SLC19A3: variants seen among roughly 807,000 people sequenced by gnomAD.
The protein encoded by SLC19A3 is thiamine transporter 2.
In SLC19A3, 31 loss-of-function variants were observed where a neutral mutation model predicts 40.2. That is an observed-to-expected ratio of 0.77 (90% CI 0.58 to 1.04). The LOEUF (loss-of-function observed/expected upper bound fraction) is 1.04. SLC19A3 is among the 50% of genes least tolerant of loss of function. The pLI, the probability that SLC19A3 is intolerant of heterozygous loss-of-function variation, is 0.00. For synonymous variants in SLC19A3, 212 were observed against 227.5 expected (o/e 0.93, Z 0.61); for missense variants, 592 against 596.7 (o/e 0.99, Z 0.08).
rs1300626147 is a variant in SLC19A3, at chr2:227,703,932, T to C, written c.-2-1612A>G. Reference sequence around the variant, plus strand: ...TGGATTATCTATCTTTTTATTTCTTTAGGTTTCTAATACAGCTGTCCAAAT... The same window carrying C: ...TGGATTATCTATCTTTTTATTTCTTCAGGTTTCTAATACAGCTGTCCAAAT... On this transcript the variant is annotated intron_variant, in intron 1 of 5. Coordinates refer to ENST00000644224, the MANE Select transcript of SLC19A3 (RefSeq NM_025243.4). The surrounding 1 kb of genome is among the most constrained non-coding windows in gnomAD (Gnocchi z 4.7). Among the ~76,000 whole-genome samples, 3 of 151,962 alleles carry C rather than the reference T, an allele frequency of 2.0e-5. No homozygotes were observed. The highest frequency in any genetic ancestry group is 2.0e-4 in the Admixed American group (3 of 15,202).
chr2:227,706,928 C>T (rs1047930539), intron 1 of SLC19A3, among the ~76,000 whole-genome samples: 4 of 152,206 alleles, frequency 2.6e-5, no homozygotes, highest in Non-Finnish European at 5.9e-5. Context: ...CACAACAGAC[C>T]TTACCTTGGT....
At chr2:227,716,525 C>T (rs528256778) in intron 1 of SLC19A3, among the ~76,000 whole-genome samples, 100 of 152,274 alleles carry the variant, frequency 6.6e-4, no homozygotes, top group African/African-American at 2.4e-3. Flanking sequence ...TTTCCCTTCC[C>T]TGTAAGACCA....
At position 227,711,975 on chromosome 2, in the gene SLC19A3, A is replaced by G. The variant is rs916796257; in HGVS notation, c.-3+5968T>C. ...TGAGGTAGAAGAATCGCTTGAACCC[A>G]GGAGGTGGAGGTTGTAGTGAGCCGA... On this transcript the variant is annotated intron_variant, in intron 1 of 5. Transcript: ENST00000644224. Among the ~76,000 whole-genome samples the G allele has an allele frequency of 2.2e-5, 3 of 134,050 alleles. No individual in the cohort carries two copies. The East Asian group carries it at 7.1e-4, about 32-fold the overall frequency. The allele number at this position is 134,050 out of a possible 152,430, so 87.9% of individuals were successfully genotyped here. A position where few individuals can be genotyped will look rare whatever the true frequency, so the allele number is the denominator to read the frequency against.
At chr2:227,688,628 T>C (rs918351006) in intron 4 of SLC19A3, among the ~76,000 whole-genome samples, 1 of 152,148 alleles carries the variant, frequency 6.6e-6, no homozygotes, top group African/African-American at 2.4e-5. Flanking sequence ...CAAATCCTTC[T>C]GAATACCTGG....
rs1210715519 is a variant in SLC19A3, at chr2:227,684,056, C to T, written c.*3341G>A. On this transcript the variant is annotated 3_prime_UTR_variant, in exon 6 of 6. Transcript: ENST00000644224. ...TCAAGCAATCCACCTACCTCAGCCT[C>T]CCAAAGTGCCAGGATTACAGGCATG... 6.6e-6 allele frequency: 1 copy of T among 152,274 alleles called. No homozygotes were observed. The highest frequency in any genetic ancestry group is 2.4e-5 in the African/African-American group (1 of 41,460). 9.4% of individuals were successfully genotyped at this position (152,274 alleles called of 1,614,324 possible).
chr2:227,707,737 A>G (rs758277512), intron 1 of SLC19A3, among the ~76,000 whole-genome samples: 10 of 151,592 alleles, frequency 6.6e-5, no homozygotes, highest in Admixed American at 1.3e-4. Flanking sequence ...CTCAATCTCT[A>G]TTTTTTTTGA....
At chr2:227,688,652 G>A (rs76021245) in intron 4 of SLC19A3, among the ~76,000 whole-genome samples, 4,452 of 152,028 alleles carry the variant, frequency 0.029, 226 homozygotes, top group African/African-American at 0.1. Context: ...GCCTTCCCAC[G>A]GAGGACAGGT....
chr2:227,700,992 G>A, intron 2 of SLC19A3: 1 of 1,304,318 alleles, frequency 7.7e-7, no homozygotes, highest in Non-Finnish European at 1.0e-6. Context: ...CTGCTCCTTG[G>A]AGGGAAGGTC....
chr2:227,700,769 T>G, intron 2 of SLC19A3: 1 of 514,944 alleles, frequency 1.9e-6, no homozygotes, highest in South Asian at 2.0e-5. Context: ...GCTGATTTGT[T>G]TATGGCTCAA....
At chr2:227,702,472 C>A (rs578096963) in intron 1 of SLC19A3, 152 bp from the exon 2 acceptor site, 16 of 710,634 alleles carry the variant, frequency 2.3e-5, no homozygotes, top group African/African-American at 3.6e-5. Flanking sequence ...CAGCCCATTG[C>A]AACCTGTGCC....
intron 4 of SLC19A3, chr2:227,695,420 T>A (rs1695386437): frequency 5.8e-6 from 1 of 172,620 alleles, no homozygotes; most frequent in Admixed American, 5.7e-5. Context: ...CTGAGCAACA[T>A]GGTGAAACCC....
At chr2:227,702,373 T>G in intron 1 of SLC19A3, 53 bp from the exon 2 acceptor site, 1 of 1,572,078 alleles carries the variant, frequency 6.4e-7, no homozygotes, top group Non-Finnish European at 8.7e-7. Flanking sequence ...CTTTTTAGCA[T>G]CCTTGATGCG....
At position 227,695,088 on chromosome 2, in the gene SLC19A3, A is replaced by G. The variant is rs190224860; in HGVS notation, c.1172+801T>C. Reference sequence around the variant, plus strand: ...AAGAAAAGAAAAACTGCTTGGTTCCATACACGACTGCAGCTAAAGGTTTCT... The same window carrying G: ...AAGAAAAGAAAAACTGCTTGGTTCCGTACACGACTGCAGCTAAAGGTTTCT... On this transcript the variant is annotated intron_variant, in intron 4 of 5. Transcript: ENST00000644224. Among the ~76,000 whole-genome samples, 102 of 152,298 alleles carry G rather than the reference A, an allele frequency of 6.7e-4. 1 individual carries two copies. The Middle Eastern group carries it at 0.017, about 25-fold the overall frequency.
rs771047329 is a variant in SLC19A3, at chr2:227,687,481, A to C, written c.1407T>G (p.Asp469Glu). The change falls in exon 6 of 6, where the codon GAT becomes GAG. Residue 469 changes from aspartate (D) to glutamate (E), a missense_variant. Asp to Glu is a conservative substitution (Grantham distance 45, BLOSUM62 2). Transcript: ENST00000644224. ...TCTCACTTGGAGCAGGGCTCTGTAC[A>C]TCCTTCTGGGATTTGGTTGAGTAGG... ...YITYSTKSQK[D>E]VQSPAPSENP... is the part of the protein sequence containing the mutation. 1.2e-6 allele frequency: 2 copies of C among 1,614,022 alleles called. No homozygotes were observed. Among genetic ancestry groups the C allele is most frequent in the South Asian group, 1.1e-5 (1 of 91,086 alleles).
chr2:227,701,434 C>T (rs1695683810), intron 2 of SLC19A3, among the ~76,000 whole-genome samples: 1 of 151,990 alleles, frequency 6.6e-6, no homozygotes, highest in African/African-American at 2.4e-5. Flanking sequence ...CCAGCCTGGC[C>T]AACATGGGGA....
At position 227,689,988 on chromosome 2, in the gene SLC19A3, A is replaced by C. The variant is rs978343469; in HGVS notation, c.1173-1681T>G. On this transcript the variant is annotated intron_variant, in intron 4 of 5. Coordinates refer to ENST00000644224, the MANE Select transcript of SLC19A3 (RefSeq NM_025243.4). ...TATTGCAAGCCTCATGGTAATCTCA[A>C]ATTGAAAAACATGCAATGGATACCC... Among the ~76,000 whole-genome samples the C allele has an allele frequency of 1.2e-4, 18 of 152,344 alleles. 3 individuals carry two copies. Among genetic ancestry groups the C allele is most frequent in the Admixed American group, 1.0e-3 (16 of 15,298 alleles).
At chr2:227,714,445 T>C (rs1696257877) in intron 1 of SLC19A3, 10 of 985,088 alleles carry the variant, frequency 1.0e-5, no homozygotes, top group Non-Finnish European at 1.2e-5. Flanking sequence ...ATCCCTTGAG[T>C]TACCTGTTTT....
chr2:227,700,653 A>C (rs1419800668), intron 2 of SLC19A3, among the ~76,000 whole-genome samples: 1 of 152,136 alleles, frequency 6.6e-6, no homozygotes, highest in Non-Finnish European at 1.5e-5. Context: ...GAAAGAGTAA[A>C]TAACTTTGCC....
At chr2:227,694,882 C>T (rs1165536373) in intron 4 of SLC19A3, among the ~76,000 whole-genome samples, 1 of 151,916 alleles carries the variant, frequency 6.6e-6, no homozygotes, top group African/African-American at 2.4e-5. Flanking sequence ...CAGTGACACT[C>T]TGTCTCTACA....
Sources: allele counts gnomAD v4.1 joint callset (sites outside exome capture counted in the v4.1 genomes callset), GRCh38; gene constraint gnomAD v4.1.1; non-coding constraint Gnocchi (gnomAD v3.1); transcripts MANE v1.5; gene names NCBI Gene and HGNC (gene_info 2026-07-23, HGNC 2026-07-21).